OLFM3: variants seen among roughly 807,000 people sequenced by gnomAD.
OLFM3 encodes the protein noelin-3.
A neutral mutation model predicts 48.6 loss-of-function variants in OLFM3; 20 were observed. That is an observed-to-expected ratio of 0.41 (90% CI 0.29 to 0.60). The LOEUF is 0.60. Among genes scored for constraint, OLFM3 ranks in the 20% least tolerant of loss-of-function variants. OLFM3 has a pLI of 0.28. For missense variants in OLFM3, 437 were observed against 544.3 expected (o/e 0.80, Z 1.96); for synonymous variants, 222 against 198.1 (o/e 1.12, Z -1.01).
intron 1 of OLFM3, among the ~76,000 whole-genome samples, chr1:101,924,283 G>A (rs1281418892): frequency 2.6e-5 from 4 of 152,146 alleles, no homozygotes; most frequent in South Asian, 2.1e-4. Flanking sequence ...TTGCATGGAA[G>A]CCAATAAGCT....
chr1:101,827,061 A>G (rs940787810), intron 3 of OLFM3, among the ~76,000 whole-genome samples: 6 of 152,228 alleles, frequency 3.9e-5, no homozygotes, highest in African/African-American at 1.4e-4. Flanking sequence ...AGTCCACCCA[A>G]TGCTCATATC....
At chr1:101,915,802 C>G (rs1001731013) in intron 1 of OLFM3, among the ~76,000 whole-genome samples, 2 of 152,166 alleles carry the variant, frequency 1.3e-5, no homozygotes, top group East Asian at 3.9e-4. Context: ...GAAAATAGAT[C>G]ATTGTAATAT....
chr1:101,978,887 T>C (rs990513341), intron 1 of OLFM3, among the ~76,000 whole-genome samples: 4 of 152,192 alleles, frequency 2.6e-5, no homozygotes, highest in African/African-American at 9.7e-5. Context: ...TCTATGTTTG[T>C]TGGATAATTA....
intron 1 of OLFM3, among the ~76,000 whole-genome samples, chr1:101,985,554 C>T (rs1661211759): frequency 6.6e-6 from 1 of 152,136 alleles, no homozygotes; most frequent in African/African-American, 2.4e-5. Flanking sequence ...TAGACAGAAG[C>T]TAGATAACCA....
intron 1 of OLFM3, among the ~76,000 whole-genome samples, chr1:101,939,768 T>C (rs1006929114): frequency 1.3e-5 from 2 of 152,098 alleles, no homozygotes; most frequent in Non-Finnish European, 2.9e-5. Flanking sequence ...AGCAAAGTGG[T>C]GGAAGTTTTA....
intron 1 of OLFM3, among the ~76,000 whole-genome samples, chr1:101,979,537 G>A (rs1661047908): frequency 1.3e-5 from 2 of 152,136 alleles, no homozygotes; most frequent in South Asian, 4.1e-4. Flanking sequence ...TTGTGAAAAA[G>A]GTGCCTGCTT....
chr1:101,920,972 T>C (rs1195624903), intron 1 of OLFM3, among the ~76,000 whole-genome samples: 2 of 152,220 alleles, frequency 1.3e-5, no homozygotes, highest in Non-Finnish European at 2.9e-5. Context: ...ATAAGTACAA[T>C]ATTCTATTAG....
intron 1 of OLFM3, among the ~76,000 whole-genome samples, chr1:101,867,651 G>T (rs953435013): frequency 2.0e-5 from 3 of 152,172 alleles, no homozygotes; most frequent in Non-Finnish European, 4.4e-5. Context: ...ATACCTAGAT[G>T]TGAATTCTGC....
chr1:101,914,853 G>T (rs886322099), intron 1 of OLFM3, among the ~76,000 whole-genome samples: 4 of 152,152 alleles, frequency 2.6e-5, no homozygotes, highest in Admixed American at 1.3e-4. Flanking sequence ...AAACATATTT[G>T]ACAGAAAGAA....
At chr1:101,879,142 T>C (rs1322847233) in intron 1 of OLFM3, among the ~76,000 whole-genome samples, 1 of 151,830 alleles carries the variant, frequency 6.6e-6, no homozygotes, top group Admixed American at 6.6e-5. Flanking sequence ...TCTCAGTGGA[T>C]TGTGGCATCA....
chr1:101,836,951 T>C lies in OLFM3; in HGVS notation c.144A>G (p.Thr48=). Residue 48 remains threonine (T), a synonymous_variant, in exon 2 of 6, where the codon ACA becomes ACG. Transcript: ENST00000370103. ...ACAGGTTTTGTTCTGGAGCAACAACTGTGCAAATGCACCGCCCATCAGGAT... is the reference window on the plus strand; with the variant it reads ...ACAGGTTTTGTTCTGGAGCAACAACCGTGCAAATGCACCGCCCATCAGGAT... The part of the protein sequence containing the change: ...AQDPDGRCIC[T]VVAPEQNLCS... 6.2e-7 allele frequency: 1 copy of C among 1,614,164 alleles called. No individual in the cohort carries two copies. Among genetic ancestry groups the C allele is most frequent in the Non-Finnish European group, 8.5e-7 (1 of 1,180,004 alleles).
At chr1:101,900,197 T>G (rs1222326975) in intron 1 of OLFM3, among the ~76,000 whole-genome samples, 4 of 152,196 alleles carry the variant, frequency 2.6e-5, no homozygotes, top group Non-Finnish European at 5.9e-5. Flanking sequence ...TTTGTTTGCT[T>G]TGTTCATTTC....
intron 1 of OLFM3, among the ~76,000 whole-genome samples, chr1:101,916,838 G>A (rs1395785334): frequency 1.3e-5 from 2 of 152,038 alleles, no homozygotes; most frequent in Non-Finnish European, 2.9e-5. Context: ...TATAGCAAAG[G>A]GGATAGACGT....
intron 1 of OLFM3, among the ~76,000 whole-genome samples, chr1:101,933,193 CT>C (rs1448752540): frequency 1.1e-5 from 1 of 94,098 alleles, no homozygotes; most frequent in East Asian, 3.4e-4. Flanking sequence ...CAGAGTGAGA[CT>C]CCATCTCAAA....
At chr1:101,968,636 A>T (rs1481618947) in intron 1 of OLFM3, among the ~76,000 whole-genome samples, 1 of 152,064 alleles carries the variant, frequency 6.6e-6, no homozygotes, top group Non-Finnish European at 1.5e-5. Context: ...GAAAAGGCAA[A>T]AGAAAACCAA....
intron 1 of OLFM3, among the ~76,000 whole-genome samples, chr1:101,971,395 G>T (rs568720979): frequency 7.5e-4 from 114 of 152,232 alleles, no homozygotes; most frequent in African/African-American, 2.7e-3. Context: ...ATGTGAAATT[G>T]CAATTTACAT....
At chr1:101,933,620 T>C (rs150630678) in intron 1 of OLFM3, among the ~76,000 whole-genome samples, 2 of 152,194 alleles carry the variant, frequency 1.3e-5, no homozygotes, top group African/African-American at 4.8e-5. Flanking sequence ...AGAACCCTTG[T>C]GAGGTGTTAT....
At chr1:101,866,550 T>C (rs1406352997) in intron 1 of OLFM3, among the ~76,000 whole-genome samples, 1 of 152,118 alleles carries the variant, frequency 6.6e-6, no homozygotes, top group Non-Finnish European at 1.5e-5. Context: ...GTAATGTGCA[T>C]TTTAAAATCT....
chr1:101,879,003 T>C (rs140170611), intron 1 of OLFM3, among the ~76,000 whole-genome samples: 107 of 151,988 alleles, frequency 7.0e-4, no homozygotes, highest in African/African-American at 2.5e-3. Flanking sequence ...GTGAAAGTTC[T>C]GAGGAATATC....
Sources: allele counts gnomAD v4.1 joint callset (sites outside exome capture counted in the v4.1 genomes callset), GRCh38; gene constraint gnomAD v4.1.1; transcripts MANE v1.5; gene names NCBI Gene and HGNC (gene_info 2026-07-23, HGNC 2026-07-21).